Variants in AGPAT5 observed in about 807,000 individuals in gnomAD.
AGPAT5 encodes the protein 1-acylglycerol-3-phosphate O-acyltransferase 5, also known as 1-acyl-sn-glycerol-3-phosphate acyltransferase epsilon.
In AGPAT5, 46 loss-of-function variants were observed where a neutral mutation model predicts 45.6. That is an observed-to-expected ratio of 1.01 (90% CI 0.80 to 1.29). The LOEUF is 1.29. Among genes scored for constraint, AGPAT5 ranks in the 50% most tolerant of loss-of-function variants. AGPAT5 has a pLI of 0.00. For synonymous variants in AGPAT5, 272 were observed against 167.0 expected (o/e 1.63, Z -4.85); for missense variants, 673 against 450.7 (o/e 1.49, Z -4.47).
At chr8:6,724,723 C>G (rs1800626484) in intron 1 of AGPAT5, 147 bp from the exon 2 acceptor site, 1 of 307,348 alleles carries the variant, frequency 3.3e-6, no homozygotes, top group Non-Finnish European at 6.3e-6. Flanking sequence ...TTTATGATCT[C>G]TGAGGCTCCT....
chr8:6,751,264 A>G (rs527306079), intron 6 of AGPAT5, among the ~76,000 whole-genome samples: 2 of 152,254 alleles, frequency 1.3e-5, no homozygotes, highest in South Asian at 4.1e-4. Context: ...ATAGTAGGCT[A>G]TTTAATATTC....
chr8:6,730,016 A>G (rs1314785091), intron 2 of AGPAT5, among the ~76,000 whole-genome samples: 3 of 152,140 alleles, frequency 2.0e-5, no homozygotes, highest in Non-Finnish European at 2.9e-5. Flanking sequence ...TTTGCTGAAC[A>G]TATATATACA....
intron 6 of AGPAT5, among the ~76,000 whole-genome samples, chr8:6,752,672 AT>A (rs750060881): frequency 1.3e-5 from 2 of 152,212 alleles, no homozygotes; most frequent in Non-Finnish European, 2.9e-5. Flanking sequence ...CCTACTAGAA[AT>A]TTATGGGTAG....
At chr8:6,746,318 G>A (rs1212826056) in intron 5 of AGPAT5, 3 of 152,236 alleles carry the variant, frequency 2.0e-5, no homozygotes, top group South Asian at 2.1e-4. Context: ...CTTTATCTAC[G>A]CGTTCTGGAG....
chr8:6,708,832 A>C lies in AGPAT5; in HGVS notation c.164A>C (p.Tyr55Ser). Reference sequence around the variant, plus strand: ...TACCAAGCGCTGGACGACCGGCTCTACTGCGTCTACCAGAGCATGGTGCTC... The same window carrying C: ...TACCAAGCGCTGGACGACCGGCTCTCCTGCGTCTACCAGAGCATGGTGCTC... The part of the protein sequence containing the change: ...RFYQALDDRL[Y>S]CVYQSMVLFF... Residue 55 changes from tyrosine to serine, a missense_variant, in exon 1 of 8, where the codon TAC becomes TCC. Transcript: ENST00000285518. 1 of 1,611,584 alleles carries C rather than the reference A, an allele frequency of 6.2e-7. No homozygotes were observed. Among genetic ancestry groups the C allele is most frequent in the Non-Finnish European group, 8.5e-7 (1 of 1,179,608 alleles).
chr8:6,755,205 A>G, intron 7 of AGPAT5, 31 bp downstream of exon 7: 1 of 1,584,322 alleles, frequency 6.3e-7, no homozygotes, highest in Non-Finnish European at 8.5e-7. Context: ...CACTTCCGGA[A>G]CTTCGGTTCA....
chr8:6,741,637 C>T, intron 4 of AGPAT5, 24 bp from the exon 5 acceptor site: 1 of 1,537,386 alleles, frequency 6.5e-7, no homozygotes, highest in Middle Eastern at 1.7e-4. Context: ...ACAAAATAAA[C>T]CAAATTTGCT....
chr8:6,737,902 T>C (rs1011562991), intron 4 of AGPAT5, among the ~76,000 whole-genome samples: 1 of 152,242 alleles, frequency 6.6e-6, no homozygotes, highest in Non-Finnish European at 1.5e-5. Context: ...TCTAAGTTTT[T>C]TCCTGCCACT....
At chr8:6,714,596 C>G (rs1400390342) in intron 1 of AGPAT5, among the ~76,000 whole-genome samples, 1 of 152,196 alleles carries the variant, frequency 6.6e-6, no homozygotes, top group Non-Finnish European at 1.5e-5. Context: ...TGCCACAATA[C>G]TTTGAGAAAG....
chr8:6,709,098 G>C lies in AGPAT5; in HGVS notation c.219+211G>C, dbSNP rs544592481. 47 of 625,266 alleles carry C rather than the reference G, an allele frequency of 7.5e-5. No homozygotes were observed. The East Asian group carries it at 1.3e-3, about 17-fold the overall frequency. 38.7% of individuals were successfully genotyped at this position (625,266 alleles called of 1,614,324 possible). A position where few individuals can be genotyped will look rare whatever the true frequency, so the allele number is the denominator to read the frequency against. On this transcript the variant is annotated intron_variant, in intron 1 of 7. Transcript: ENST00000285518. ...GGAAGCTGTGGCTGCGTCGTCCTGA[G>C]GCTACGAGTGGGACCCGCCGCCCCT...
chr8:6,728,239 T>C (rs1800752270), intron 2 of AGPAT5, among the ~76,000 whole-genome samples: 1 of 152,242 alleles, frequency 6.6e-6, no homozygotes, highest in African/African-American at 2.4e-5. Flanking sequence ...GCCAAATTTA[T>C]TGCTATCTTA....
At chr8:6,747,365 G>A (rs748002311) in intron 5 of AGPAT5, among the ~76,000 whole-genome samples, 5 of 152,198 alleles carry the variant, frequency 3.3e-5, no homozygotes, top group Non-Finnish European at 7.3e-5. Context: ...CCAGAAGCGA[G>A]GGCACTAATA....
At chr8:6,734,677 C>T (rs566225183) in intron 4 of AGPAT5, among the ~76,000 whole-genome samples, 5 of 152,112 alleles carry the variant, frequency 3.3e-5, no homozygotes, top group East Asian at 1.9e-4. Context: ...TTTTGCCTAA[C>T]GCTGGGCCTT....
intron 6 of AGPAT5, among the ~76,000 whole-genome samples, chr8:6,748,527 A>C (rs749071084): frequency 1.5e-4 from 23 of 152,050 alleles, no homozygotes; most frequent in Non-Finnish European, 2.8e-4. Context: ...GTTTTGAGAC[A>C]AGAGTTTCGC....
chr8:6,718,313 C>T (rs536093556), intron 1 of AGPAT5, among the ~76,000 whole-genome samples: 5 of 152,174 alleles, frequency 3.3e-5, no homozygotes, highest in Non-Finnish European at 7.3e-5. Context: ...ACATGCCGCT[C>T]CCCGTCACTG....
chr8:6,741,803 T>G (rs772486814), intron 5 of AGPAT5, 52 bp downstream of exon 5: 11 of 1,414,974 alleles, frequency 7.8e-6, no homozygotes, highest in Non-Finnish European at 1.1e-5. Context: ...ATAATAACAT[T>G]TTTAGTTTTT....
chr8:6,745,397 C>G (rs540026872), intron 5 of AGPAT5, among the ~76,000 whole-genome samples: 48 of 152,308 alleles, frequency 3.2e-4, no homozygotes, highest in Middle Eastern at 3.4e-3. Flanking sequence ...CCCTTGCTTT[C>G]TTGTGTTTGA....
intron 2 of AGPAT5, among the ~76,000 whole-genome samples, chr8:6,727,298 T>C (rs1800720529): frequency 6.6e-6 from 1 of 152,220 alleles, no homozygotes; most frequent in Non-Finnish European, 1.5e-5. Context: ...TCTGTCTCTG[T>C]TAGCTTATTT....
At position 6,719,364 on chromosome 8, in the gene AGPAT5, C is replaced by T. The variant is rs535125531; in HGVS notation, c.220-5506C>T. 3.9e-5 allele frequency among the ~76,000 whole-genome samples: 6 copies of T among 152,240 alleles called. No homozygotes were observed. The East Asian group carries it at 7.7e-4, about 20-fold the overall frequency. ...GCAGGATCCTCAAGTAAGCCATTGA[C>T]GTGGAAATTAATAGTTTGGGAAGTA... On this transcript the variant is annotated intron_variant, in intron 1 of 7. Transcript: ENST00000285518.
Sources: gnomAD v4.1 joint callset for allele counts (sites outside exome capture counted in the v4.1 genomes callset) on GRCh38, gnomAD v4.1.1 for gene constraint, MANE v1.5 for transcripts, NCBI Gene and HGNC (gene_info 2026-07-23, HGNC 2026-07-21) for gene names.